Variants in TBL1X observed in about 807,000 individuals in gnomAD.
The protein encoded by TBL1X is F-box-like/WD repeat-containing protein TBL1X.
In TBL1X, 10 loss-of-function variants were observed where a neutral mutation model predicts 50.7. That is an observed-to-expected ratio of 0.20 (90% CI 0.12 to 0.33). The LOEUF is 0.33. Ranked by LOEUF, TBL1X falls within the 10% of genes least tolerant of loss-of-function variation. The pLI is 1.00. For missense variants in TBL1X, 340 were observed against 504.4 expected, an observed-to-expected ratio of 0.67 and a Z score of 3.12; for synonymous variants, 190 against 214.7, an observed-to-expected ratio of 0.88 and a Z score of 1.01.
chrX:9,560,745 A>G (rs1229633898), intron 2 of TBL1X, among the ~76,000 whole-genome samples: 1 of 111,869 alleles, frequency 8.9e-6, no homozygotes. Flanking sequence ...AAGCAGGTGT[A>G]GACAGATTGC....
chrX:9,713,421 C>CTTTTTTTTTTTTTTTTTTTTTTT lies in TBL1X; in HGVS notation c.1606-1477_1606-1476insTTTTTTTTTTTTTTTTTTTTTTT, dbSNP rs757107084. On this transcript the variant is annotated intron_variant, in intron 16 of 17. Coordinates refer to ENST00000645353, the MANE Select transcript of TBL1X (RefSeq NM_005647.4). ...TTATAAATCAAAGAAATCCTTAGGACTTTTCTTTTTTTTTTTTTTTTTTGG... is the reference window on the plus strand; with the variant it reads ...TTATAAATCAAAGAAATCCTTAGGACTTTTTTTTTTTTTTTTTTTTTTTTTTTCTTTTTTTTTTTTTTTTTTGG... Among the ~76,000 whole-genome samples the CTTTTTTTTTTTTTTTTTTTTTTT allele has an allele frequency of 3.4e-5, 3 of 87,570 alleles. 1 individual carries two copies. The highest frequency in any genetic ancestry group is 1.4e-4 in the African/African-American group (3 of 21,546). The allele number at this position is 87,570 out of a possible 115,157, so 76.0% of individuals were successfully genotyped here. A position where few individuals can be genotyped will look rare whatever the true frequency, so the allele number is the denominator to read the frequency against.
chrX:9,483,798 G>C (rs1159761639), intron 1 of TBL1X, among the ~76,000 whole-genome samples: 1 of 104,463 alleles, frequency 9.6e-6, no homozygotes, highest in Non-Finnish European at 1.9e-5. Flanking sequence ...CCCTCTGGCA[G>C]AATCACCAGG....
intron 15 of TBL1X, among the ~76,000 whole-genome samples, chrX:9,711,213 A>G (rs1286551469): frequency 1.8e-5 from 2 of 109,020 alleles, no homozygotes; most frequent in Non-Finnish European, 3.8e-5. Flanking sequence ...CCGGGTGTGG[A>G]CCTATGGTTG....
At position 9,494,873 on chromosome X, in the gene TBL1X, A is replaced by T. The variant is rs759556607; in HGVS notation, c.-200-6907A>T. On this transcript the variant is annotated intron_variant, in intron 1 of 17. Coordinates refer to ENST00000645353, the MANE Select transcript of TBL1X (RefSeq NM_005647.4). ...GAAATGTTTCCACATCAGGTCTTAG[A>T]GGAGTTGTAAAACAGGAAGGAGGAG... Among the ~76,000 whole-genome samples, 8 of 112,336 alleles carry T rather than the reference A, an allele frequency of 7.1e-5. No individual in the cohort carries two copies. In the South Asian group the frequency reaches 2.9e-3, roughly 41 times the overall value.
intron 2 of TBL1X, among the ~76,000 whole-genome samples, chrX:9,601,131 A>G (rs957932702): frequency 2.7e-5 from 3 of 111,687 alleles, no homozygotes; most frequent in African/African-American, 6.5e-5. Context: ...GCAGAAGTGC[A>G]GGGGAACATG....
intron 2 of TBL1X, among the ~76,000 whole-genome samples, chrX:9,620,499 A>G (rs773704297): frequency 3.6e-5 from 4 of 112,301 alleles, no homozygotes; most frequent in Non-Finnish European, 7.5e-5. Context: ...TGTGACAGAG[A>G]CGAACAAGGT....
chrX:9,485,764 C>G (rs1362615257), intron 1 of TBL1X, among the ~76,000 whole-genome samples: 2 of 111,887 alleles, frequency 1.8e-5, no homozygotes, highest in African/African-American at 6.5e-5. Context: ...CTTTCTTCAT[C>G]CCCCTGCCCT....
intron 3 of TBL1X, among the ~76,000 whole-genome samples, chrX:9,647,994 A>G (rs1276833545): frequency 1.8e-5 from 2 of 111,464 alleles, no homozygotes; most frequent in African/African-American, 3.3e-5. Flanking sequence ...TCCCCTTTAC[A>G]TAGGGGCTAT....
intron 2 of TBL1X, among the ~76,000 whole-genome samples, chrX:9,514,327 T>C (rs1376743940): frequency 4.4e-5 from 3 of 68,752 alleles, no homozygotes; most frequent in African/African-American, 1.5e-4. Context: ...CACATGACAC[T>C]GTGAGTGTTT....
rs1157943868 is a variant in TBL1X, at chrX:9,491,338, A to ATTTT, written c.-200-10429_-200-10426dup. ...TATATATATATATATATATATATAT[A>ATTTT]TTTTTTTTTTTTTTTTCTTTGAGAC... On this transcript the variant is annotated intron_variant, in intron 1 of 17. Coordinates refer to ENST00000645353, the MANE Select transcript of TBL1X (RefSeq NM_005647.4). Among the ~76,000 whole-genome samples the ATTTT allele has an allele frequency of 2.7e-3, 85 of 31,286 alleles. 1 individual carries two copies. Among genetic ancestry groups the ATTTT allele is most frequent in the African/African-American group, 5.6e-3 (48 of 8,573 alleles). 27.2% of individuals were successfully genotyped at this position (31,286 alleles called of 115,157 possible).
At chrX:9,468,735 A>G (rs1483285920) in intron 1 of TBL1X, among the ~76,000 whole-genome samples, 2 of 109,672 alleles carry the variant, frequency 1.8e-5, no homozygotes, top group African/African-American at 3.3e-5. Flanking sequence ...GGGTAGGAGT[A>G]TATATATATA....
chrX:9,506,603 A>C (rs2057196119), intron 2 of TBL1X, among the ~76,000 whole-genome samples: 2 of 112,007 alleles, frequency 1.8e-5, no homozygotes, highest in African/African-American at 6.5e-5. Flanking sequence ...GATAAAGGGG[A>C]TATTACCACT....
chrX:9,707,896 C>T (rs1302446394), intron 13 of TBL1X, among the ~76,000 whole-genome samples: 1 of 112,639 alleles, frequency 8.9e-6, no homozygotes, highest in African/African-American at 3.2e-5. Context: ...ACAGATGTGG[C>T]CTTGTCACTG....
chrX:9,518,803 G>C (rs1381232920), intron 2 of TBL1X, among the ~76,000 whole-genome samples: 1 of 110,747 alleles, frequency 9.0e-6, no homozygotes, highest in Non-Finnish European at 1.9e-5. Context: ...GAGCCACTTA[G>C]CCTGAAGACC....
chrX:9,517,171 G>A (rs1419837414), intron 2 of TBL1X, among the ~76,000 whole-genome samples: 1 of 111,396 alleles, frequency 9.0e-6, no homozygotes, highest in Non-Finnish European at 1.9e-5. Context: ...GAGCCTGCAG[G>A]AACGAGTTTC....
At chrX:9,511,846 ACTT>A (rs1277794625) in intron 2 of TBL1X, among the ~76,000 whole-genome samples, 2 of 112,030 alleles carry the variant, frequency 1.8e-5, no homozygotes, top group East Asian at 2.8e-4. Flanking sequence ...CAGGTTGTCT[ACTT>A]CTTAACATTT....
At chrX:9,472,313 C>G (rs1370748946) in intron 1 of TBL1X, among the ~76,000 whole-genome samples, 1 of 111,000 alleles carries the variant, frequency 9.0e-6, no homozygotes, top group South Asian at 3.8e-4. Flanking sequence ...GGGTCTTGCT[C>G]TGTTGCCCTG....
intron 5 of TBL1X, among the ~76,000 whole-genome samples, chrX:9,667,187 G>A (rs1303346541): frequency 3.6e-5 from 4 of 111,365 alleles, no homozygotes; most frequent in African/African-American, 1.3e-4. Context: ...GTGTGAACCC[G>A]GGAGGAGGAG....
chrX:9,556,191 A>AAAAC (rs200314767), intron 2 of TBL1X, among the ~76,000 whole-genome samples: 291 of 95,014 alleles, frequency 3.1e-3, no homozygotes, highest in South Asian at 5.2e-3. Flanking sequence ...TGTCTAAACA[A>AAAAC]AAAAAAAACA....
Sources: allele counts gnomAD v4.1 joint callset (sites outside exome capture counted in the v4.1 genomes callset), GRCh38; gene constraint gnomAD v4.1.1; transcripts MANE v1.5; gene names NCBI Gene and HGNC (gene_info 2026-07-23, HGNC 2026-07-21).